The following SLC8A1 variants were observed in gnomAD, a reference collection of about 807,000 sequenced individuals.
SLC8A1 encodes solute carrier family 8 member A1.
Under a neutral mutation model 68.3 loss-of-function variants are expected in SLC8A1, and 18 were observed. The ratio of observed to expected loss-of-function variants is 0.26; its 90% confidence interval spans 0.18 to 0.39. The LOEUF (loss-of-function observed/expected upper bound fraction) is 0.39, where lower values mean the gene tolerates loss of function less well. Among genes scored for constraint, SLC8A1 ranks in the 10% least tolerant of loss-of-function variants. The pLI is 1.00. For missense variants in SLC8A1, 985 were observed against 1,156.7 expected, an observed-to-expected ratio of 0.85 and a Z score of 2.15; for synonymous variants, 475 against 415.5, an observed-to-expected ratio of 1.14 and a Z score of -1.74.
intron 2 of SLC8A1, among the ~76,000 whole-genome samples, chr2:40,359,433 G>C (rs928062438): frequency 6.6e-6 from 1 of 152,098 alleles, no homozygotes; most frequent in Non-Finnish European, 1.5e-5. Context: ...GTGTGAAAAA[G>C]GGTTTTTGTC....
At chr2:40,334,925 C>A (rs759849089) in intron 2 of SLC8A1, among the ~76,000 whole-genome samples, 3 of 152,182 alleles carry the variant, frequency 2.0e-5, no homozygotes, top group African/African-American at 7.2e-5. Flanking sequence ...ATGTCACCTA[C>A]CACTGTCCTT....
chr2:40,424,227 T>TC (rs900300317), intron 2 of SLC8A1, among the ~76,000 whole-genome samples: 2 of 151,802 alleles, frequency 1.3e-5, no homozygotes, highest in Non-Finnish European at 3.0e-5. Context: ...ATCCTTCTGT[T>TC]CTGATCACTT....
chr2:40,252,310 T>C (rs1289075341), intron 2 of SLC8A1, among the ~76,000 whole-genome samples: 1 of 152,104 alleles, frequency 6.6e-6, no homozygotes, highest in Non-Finnish European at 1.5e-5. Flanking sequence ...GTGTGCAGTT[T>C]TTTTTTTTAG....
chr2:40,213,433 G>A (rs1472843107), intron 2 of SLC8A1: 1 of 152,140 alleles, frequency 6.6e-6, no homozygotes, highest in Non-Finnish European at 1.5e-5. Flanking sequence ...AAGGGACAAT[G>A]CCATCACCAG....
intron 2 of SLC8A1, among the ~76,000 whole-genome samples, chr2:40,331,462 G>T (rs186005319): frequency 2.6e-5 from 4 of 151,916 alleles, no homozygotes; most frequent in Non-Finnish European, 5.9e-5. Context: ...GAACACTCCC[G>T]GGAGAATAAA....
intron 7 of SLC8A1, among the ~76,000 whole-genome samples, chr2:40,118,774 G>C (rs2036126810): frequency 6.6e-6 from 1 of 151,982 alleles, no homozygotes; most frequent in Non-Finnish European, 1.5e-5. Flanking sequence ...GGCTGGTGGT[G>C]AACAGATGGC....
intron 6 of SLC8A1, among the ~76,000 whole-genome samples, chr2:40,146,639 G>GACCCCCCC (rs2042525914): frequency 6.6e-6 from 1 of 151,420 alleles, no homozygotes; most frequent in Non-Finnish European, 1.5e-5. Flanking sequence ...GGGATGGGAG[G>GACCCCCCC]CAGTGAAAGA....
chr2:40,281,462 T>C (rs1017581657), intron 2 of SLC8A1, among the ~76,000 whole-genome samples: 12 of 152,198 alleles, frequency 7.9e-5, no homozygotes, highest in Admixed American at 1.3e-4. Context: ...ATGCAGGCTA[T>C]GTGCCAAGAA....
chr2:40,169,162 T>A (rs2047042411), intron 4 of SLC8A1, among the ~76,000 whole-genome samples: 1 of 151,956 alleles, frequency 6.6e-6, no homozygotes, highest in African/African-American at 2.4e-5. Context: ...GTGCTGAGAG[T>A]GGGAAAACAA....
intron 2 of SLC8A1, among the ~76,000 whole-genome samples, chr2:40,185,751 A>G (rs2050584647): frequency 6.6e-6 from 1 of 152,234 alleles, no homozygotes; most frequent in Admixed American, 6.5e-5. Flanking sequence ...ATCCTATGTT[A>G]TGTAAATTAT....
chr2:40,124,495 A>T (rs1185719755), intron 7 of SLC8A1, among the ~76,000 whole-genome samples: 1 of 152,220 alleles, frequency 6.6e-6, no homozygotes, highest in Admixed American at 6.5e-5. Flanking sequence ...GGGTTCTGAA[A>T]GTTTCCAATA....
chr2:40,251,560 G>C (rs914169426), intron 2 of SLC8A1: 1 of 152,174 alleles, frequency 6.6e-6, no homozygotes, highest in Non-Finnish European at 1.5e-5. Context: ...TAAGGCCTGT[G>C]CATTGTCTCA....
chr2:40,283,469 G>C (rs61586992), intron 2 of SLC8A1, among the ~76,000 whole-genome samples: 1 of 152,132 alleles, frequency 6.6e-6, no homozygotes, highest in Non-Finnish European at 1.5e-5. Flanking sequence ...GTGTTTGTTA[G>C]ATCCTCCCTC....
upstream of SLC8A1, among the ~76,000 whole-genome samples, chr2:40,453,994 A>G (rs1026774698): frequency 9.8e-5 from 15 of 152,322 alleles, no homozygotes; most frequent in African/African-American, 3.6e-4. Flanking sequence ...CTTGGAAGCT[A>G]CTTTCCACAC....
At chr2:40,452,021 G>A (rs1427977130) in exon 1 of SLC8A1, 1 of 151,644 alleles carries the variant, frequency 6.6e-6, no homozygotes, top group Non-Finnish European at 1.5e-5. Flanking sequence ...CATCTTCTGT[G>A]GGAAGCACAA....
intron 1 of SLC8A1, among the ~76,000 whole-genome samples, chr2:40,502,099 C>T (rs371039254): frequency 1.3e-5 from 2 of 152,164 alleles, no homozygotes; most frequent in African/African-American, 4.8e-5. Context: ...CTTTCTAGGC[C>T]AATGGATATA....
At chr2:40,179,219 C>T (rs566437614) in intron 2 of SLC8A1, among the ~76,000 whole-genome samples, 12 of 152,210 alleles carry the variant, frequency 7.9e-5, no homozygotes, top group South Asian at 4.1e-4. Flanking sequence ...GCAGCAGGTG[C>T]GAGTCATGAT....
chr2:40,377,847 T>C (rs886175675), intron 2 of SLC8A1, among the ~76,000 whole-genome samples: 1 of 152,126 alleles, frequency 6.6e-6, no homozygotes, highest in Non-Finnish European at 1.5e-5. Context: ...CTCAAGGCCA[T>C]TCAGTTGCAG....
At chr2:40,364,205 C>A (rs1260505697) in intron 2 of SLC8A1, among the ~76,000 whole-genome samples, 1 of 151,918 alleles carries the variant, frequency 6.6e-6, no homozygotes, top group Non-Finnish European at 1.5e-5. Context: ...AAAAACATAT[C>A]AGCTGATATT....
Sources: allele counts gnomAD v4.1 joint callset (sites outside exome capture counted in the v4.1 genomes callset), GRCh38; gene constraint gnomAD v4.1.1; transcripts MANE v1.5; gene names NCBI Gene and HGNC (gene_info 2026-07-23, HGNC 2026-07-21).